Variants in GARIN5B observed in about 807,000 individuals in gnomAD.
GARIN5B encodes the protein Golgi-associated RAB2 interactor protein 5B.
the GARIN5B span, chr19:55,358,423 C>A: frequency 4.0e-6 from 6 of 1,509,022 alleles, no homozygotes; most frequent in East Asian, 1.5e-4. Context: ...GGGGGATAGG[C>A]GCCTGGGAGA....
chr19:55,361,389 C>A, the GARIN5B span: 1 of 1,533,468 alleles, frequency 6.5e-7, no homozygotes, highest in East Asian at 2.5e-5. Context: ...GAGGTCCTGA[C>A]AAACAGCAGG....
At chr19:55,361,349 C>T in the GARIN5B span, 1 of 1,539,316 alleles carries the variant, frequency 6.5e-7, no homozygotes, top group Non-Finnish European at 8.8e-7. Context: ...CCAAAGGGTG[C>T]AGCTCTGTCC....
chr19:55,359,043 G>A, the GARIN5B span: 1 of 1,551,438 alleles, frequency 6.4e-7, no homozygotes, highest in Non-Finnish European at 8.7e-7. Context: ...GGCGACTCCG[G>A]GGACTTGGCC....
At chr19:55,360,886 G>C in the GARIN5B span, 1 of 1,544,762 alleles carries the variant, frequency 6.5e-7, no homozygotes, top group Non-Finnish European at 8.8e-7. Context: ...GTTCTGTCGG[G>C]GCGGGGGTCT....
At chr19:55,358,817 G>A in the GARIN5B span, 5 of 1,547,752 alleles carry the variant, frequency 3.2e-6, no homozygotes, top group Non-Finnish European at 4.4e-6. Context: ...GTGCTCCTGG[G>A]AGGGGCCCTC....
At chr19:55,356,915 G>T in the GARIN5B span, among the ~76,000 whole-genome samples, 1 of 152,104 alleles carries the variant, frequency 6.6e-6, no homozygotes, top group African/African-American at 2.4e-5. Context: ...GCCGGGCGTG[G>T]TGGTGAGCAC....
At chr19:55,359,428 C>T in the GARIN5B span, 1 of 1,550,160 alleles carries the variant, frequency 6.5e-7, no homozygotes, top group Middle Eastern at 1.9e-4. Context: ...CTGAGGCCTT[C>T]CGGGATGGAG....
At chr19:55,359,379 C>G in the GARIN5B span, 8 of 1,548,878 alleles carry the variant, frequency 5.2e-6, no homozygotes, top group African/African-American at 1.4e-5. Context: ...TGGGGTGGGG[C>G]AGGTACGGCT....
At chr19:55,361,267 G>A in the GARIN5B span, 3 of 1,549,192 alleles carry the variant, frequency 1.9e-6, no homozygotes, top group Non-Finnish European at 2.6e-6. Context: ...TCCTGGGTCA[G>A]GGACCCCAGG....
chr19:55,359,614 C>T, the GARIN5B span: 7 of 1,550,790 alleles, frequency 4.5e-6, no homozygotes, highest in Non-Finnish European at 6.1e-6. Context: ...GCTTCTGGGA[C>T]TGGTCAACAA....
the GARIN5B span, chr19:55,359,702 C>T: frequency 6.4e-7 from 1 of 1,551,382 alleles, no homozygotes; most frequent in Non-Finnish European, 8.7e-7. Context: ...CTGGTGGGAG[C>T]CCATAGGCCC....
At chr19:55,361,171 C>A in the GARIN5B span, 8 of 1,551,350 alleles carry the variant, frequency 5.2e-6, no homozygotes, top group Non-Finnish European at 7.0e-6. Context: ...CCCGCCGGCT[C>A]ACCTTGGCCT....
the GARIN5B span, chr19:55,355,238 T>A: frequency 3.1e-6 from 3 of 956,092 alleles, no homozygotes; most frequent in Non-Finnish European, 4.4e-6. Flanking sequence ...CTAAGGCAGA[T>A]CTCCAGGGTC....
chr19:55,358,266 T>C, the GARIN5B span: 1 of 1,551,028 alleles, frequency 6.4e-7, no homozygotes, highest in Non-Finnish European at 8.7e-7. Flanking sequence ...GACCCCACAG[T>C]GGCCAGGGGG....
chr19:55,358,433 A>G, the GARIN5B span: 1 of 1,510,246 alleles, frequency 6.6e-7, no homozygotes, highest in Non-Finnish European at 8.9e-7. Flanking sequence ...CGCCTGGGAG[A>G]TTCCTTCCCT....
At chr19:55,362,948 G>A in the GARIN5B span, 8 of 1,504,744 alleles carry the variant, frequency 5.3e-6, no homozygotes, top group South Asian at 3.9e-5. Flanking sequence ...CATGGGCAGC[G>A]GACGGAGGGG....
chr19:55,360,612 C>T, the GARIN5B span: 1 of 1,493,882 alleles, frequency 6.7e-7, no homozygotes, highest in African/African-American at 1.4e-5. Context: ...GCCTCTCCTC[C>T]CTCAGACCCA....
chr19:55,359,429 C>T, the GARIN5B span: 1,167 of 1,548,396 alleles, frequency 7.5e-4, 8 homozygotes, highest in African/African-American at 0.014. Flanking sequence ...TGAGGCCTTC[C>T]GGGATGGAGC....
chr19:55,355,216 C>T, the GARIN5B span: 1 of 297,344 alleles, frequency 3.4e-6, no homozygotes, highest in Non-Finnish European at 5.2e-6. Context: ...CCCCCTCCCC[C>T]CGCCCCCAGG....
Sources: allele counts gnomAD v4.1 joint callset (sites outside exome capture counted in the v4.1 genomes callset), GRCh38; gene constraint gnomAD v4.1.1; transcripts MANE v1.5; gene names NCBI Gene and HGNC (gene_info 2026-07-23, HGNC 2026-07-21).